Variants in THSD4 observed in about 807,000 individuals in gnomAD.
THSD4 encodes the protein thrombospondin type-1 domain-containing protein 4.
In THSD4, 69 loss-of-function variants were observed where a neutral mutation model predicts 119.0. That is an observed-to-expected ratio of 0.58 (90% CI 0.48 to 0.71). The LOEUF (loss-of-function observed/expected upper bound fraction) is 0.71, where lower values mean the gene tolerates loss of function less well. THSD4 is among the 30% of genes least tolerant of loss of function. The pLI is 0.00. For synonymous variants in THSD4, 524 were observed against 540.4 expected (o/e 0.97, Z 0.42); for missense variants, 1,393 against 1,391.1 (o/e 1.00, Z -0.02).
At chr15:71,613,676 G>C (rs2050270622) in intron 7 of THSD4, among the ~76,000 whole-genome samples, 1 of 152,046 alleles carries the variant, frequency 6.6e-6, no homozygotes, top group Admixed American at 6.5e-5. Context: ...ACCTTCACCA[G>C]CTATTGTGTT....
chr15:71,708,165 T>A (rs1436025810), intron 8 of THSD4, among the ~76,000 whole-genome samples: 4 of 152,190 alleles, frequency 2.6e-5, no homozygotes, highest in Non-Finnish European at 5.9e-5. Context: ...CTTAGCAGAT[T>A]GGGACTGCAG....
At chr15:71,317,471 C>A (rs1017885554) in intron 6 of THSD4, among the ~76,000 whole-genome samples, 1 of 152,150 alleles carries the variant, frequency 6.6e-6, no homozygotes, top group Non-Finnish European at 1.5e-5. Flanking sequence ...AGGGGAACTC[C>A]CCTTTTATAA....
chr15:71,221,553 G>A (rs1272007822), intron 4 of THSD4, among the ~76,000 whole-genome samples: 1 of 152,072 alleles, frequency 6.6e-6, no homozygotes, highest in African/African-American at 2.4e-5. Flanking sequence ...TGTCGTTTTT[G>A]TGACTGGCTT....
chr15:71,182,821 C>A (rs2043547826), intron 3 of THSD4, among the ~76,000 whole-genome samples: 1 of 151,806 alleles, frequency 6.6e-6, no homozygotes, highest in African/African-American at 2.4e-5. Flanking sequence ...TGTCAGCTGT[C>A]TTCCTTCCCT....
intron 7 of THSD4, among the ~76,000 whole-genome samples, chr15:71,451,930 G>A (rs1457480868): frequency 4.6e-5 from 7 of 152,116 alleles, no homozygotes; most frequent in Admixed American, 6.5e-5. Context: ...CTATGTCCTC[G>A]CTGCATCTGC....
At chr15:71,359,209 C>CAGA (rs549688847) in intron 6 of THSD4, among the ~76,000 whole-genome samples, 112 of 152,324 alleles carry the variant, frequency 7.4e-4, no homozygotes, top group Middle Eastern at 3.4e-3. Flanking sequence ...CGTAGGGGCA[C>CAGA]AGAAGATGTG....
intron 7 of THSD4, among the ~76,000 whole-genome samples, chr15:71,513,813 G>A (rs929313439): frequency 2.0e-5 from 3 of 152,116 alleles, no homozygotes; most frequent in Non-Finnish European, 4.4e-5. Context: ...GATAAGTTGT[G>A]GCTTCTGCAT....
chr15:71,313,958 C>T (rs2045150305), intron 6 of THSD4, among the ~76,000 whole-genome samples: 1 of 152,130 alleles, frequency 6.6e-6, no homozygotes, highest in African/African-American at 2.4e-5. Flanking sequence ...TTAATTAGTT[C>T]CAATGCTCTG....
intron 3 of THSD4, among the ~76,000 whole-genome samples, chr15:71,199,408 C>T (rs986107862): frequency 6.1e-5 from 9 of 147,456 alleles, no homozygotes; most frequent in Non-Finnish European, 1.1e-4. Flanking sequence ...TTTTCTCACC[C>T]TAGACACTGT....
At chr15:71,214,141 G>A (rs960566592) in intron 3 of THSD4, among the ~76,000 whole-genome samples, 16 of 152,212 alleles carry the variant, frequency 1.1e-4, no homozygotes, top group African/African-American at 3.6e-4. Context: ...GATTGTATAT[G>A]CACCAATCAG....
At chr15:71,161,707 AT>A (rs1391829886) in intron 3 of THSD4, among the ~76,000 whole-genome samples, 5 of 150,332 alleles carry the variant, frequency 3.3e-5, no homozygotes, top group Admixed American at 6.6e-5. Flanking sequence ...CAGTTACTCT[AT>A]TTTTTTTAAA....
chr15:71,512,978 GT>G (rs765029579), intron 7 of THSD4, among the ~76,000 whole-genome samples: 3 of 152,290 alleles, frequency 2.0e-5, no homozygotes, highest in Middle Eastern at 6.8e-3. Context: ...AAAACCCAGT[GT>G]TTTACGAATA....
intron 14 of THSD4, among the ~76,000 whole-genome samples, chr15:71,754,155 T>C (rs1567136964): frequency 1.3e-5 from 2 of 150,210 alleles, no homozygotes; most frequent in South Asian, 2.1e-4. Flanking sequence ...GATTTCGGCT[T>C]ACTGCATCAC....
chr15:71,763,448 C>G (rs1240054420), intron 15 of THSD4, among the ~76,000 whole-genome samples: 1 of 152,158 alleles, frequency 6.6e-6, no homozygotes, highest in Admixed American at 6.5e-5. Context: ...CAGTGGCTCA[C>G]GCCTGTAATC....
intron 6 of THSD4, among the ~76,000 whole-genome samples, chr15:71,270,877 A>G (rs542594771): frequency 8.0e-5 from 12 of 150,152 alleles, no homozygotes; most frequent in African/African-American, 2.9e-4. Flanking sequence ...TTAGGAGTGT[A>G]TGCTACTTTA....
At chr15:71,159,966 G>A (rs1037936462) in intron 3 of THSD4, among the ~76,000 whole-genome samples, 7 of 151,978 alleles carry the variant, frequency 4.6e-5, no homozygotes, top group East Asian at 1.9e-4. Context: ...TGTCATATAC[G>A]ACCTTTATTG....
At chr15:71,730,094 AC>A (rs994141505) in intron 9 of THSD4, 2 of 152,232 alleles carry the variant, frequency 1.3e-5, no homozygotes, top group Non-Finnish European at 2.9e-5. Context: ...CACAGGACCC[AC>A]CATGCAGGAG....
At chr15:71,511,763 C>T (rs773498828) in intron 7 of THSD4, among the ~76,000 whole-genome samples, 2 of 152,262 alleles carry the variant, frequency 1.3e-5, no homozygotes, top group East Asian at 1.9e-4. Context: ...CAGATGCCAG[C>T]GCACCTGGGC....
chr15:71,128,172 T>C (rs1218128195), intron 1 of THSD4, among the ~76,000 whole-genome samples: 1 of 150,760 alleles, frequency 6.6e-6, no homozygotes, highest in East Asian at 1.9e-4. Context: ...GATGTAACGA[T>C]AGAAATTACC....
Sources: gnomAD v4.1 joint callset for allele counts (sites outside exome capture counted in the v4.1 genomes callset) on GRCh38, gnomAD v4.1.1 for gene constraint, MANE v1.5 for transcripts, NCBI Gene and HGNC (gene_info 2026-07-23, HGNC 2026-07-21) for gene names.